Variants in ZFHX3 observed in about 807,000 individuals in gnomAD.
ZFHX3 encodes zinc finger homeobox 3.
Under a neutral mutation model 279.1 loss-of-function variants are expected in ZFHX3, and 42 were observed. The ratio of observed to expected loss-of-function variants is 0.15; its 90% confidence interval spans 0.12 to 0.19. ZFHX3 has a LOEUF of 0.19. ZFHX3 is among the 10% of genes least tolerant of loss of function. The probability of loss-of-function intolerance (pLI) is 1.00; values close to 1 mark genes in which losing one functional copy is unlikely to be tolerated. For missense variants in ZFHX3, 4,981 were observed against 4,754.0 expected, an observed-to-expected ratio of 1.05 and a Z score of -1.40; for synonymous variants, 2,293 against 1,957.8, an observed-to-expected ratio of 1.17 and a Z score of -4.52.
At chr16:73,598,173 T>C (rs896690901) in intron 2 of ZFHX3, among the ~76,000 whole-genome samples, 6 of 152,182 alleles carry the variant, frequency 3.9e-5, no homozygotes, top group African/African-American at 1.4e-4. Context: ...GCAGGTTCTA[T>C]GAGACATATA....
At chr16:73,679,535 T>TAAAAA (rs1555531969) in intron 2 of ZFHX3, 1 of 152,082 alleles carries the variant, frequency 6.6e-6, no homozygotes, top group East Asian at 1.9e-4. Flanking sequence ...TTCTCTTATG[T>TAAAAA]AAAACAAAAA....
chr16:73,165,947 G>A (rs1396613191), intron 5 of ZFHX3, among the ~76,000 whole-genome samples: 1 of 152,174 alleles, frequency 6.6e-6, no homozygotes, highest in Admixed American at 6.5e-5. Context: ...AATACATTAC[G>A]ACTGTGGGCC....
At chr16:73,629,087 T>A (rs563416627) in intron 2 of ZFHX3, among the ~76,000 whole-genome samples, 1 of 152,286 alleles carries the variant, frequency 6.6e-6, no homozygotes, top group African/African-American at 2.4e-5. Flanking sequence ...TCCCAAAGGA[T>A]AGAGAGCAGT....
chr16:73,354,695 C>CGAT (rs201581077), intron 3 of ZFHX3, among the ~76,000 whole-genome samples: 3 of 99,454 alleles, frequency 3.0e-5, no homozygotes, highest in East Asian at 2.3e-4. Flanking sequence ...CCAGAGACAG[C>CGAT]GACCTCATCC....
intron 1 of ZFHX3, among the ~76,000 whole-genome samples, chr16:73,759,978 A>T (rs967782062): frequency 6.6e-6 from 1 of 150,898 alleles, no homozygotes; most frequent in South Asian, 2.1e-4. Flanking sequence ...GACACTAAAA[A>T]CTCTTCAAAA....
At chr16:73,682,603 T>C (rs1217885006) in intron 1 of ZFHX3, among the ~76,000 whole-genome samples, 2 of 151,732 alleles carry the variant, frequency 1.3e-5, no homozygotes, top group East Asian at 1.9e-4. Flanking sequence ...CTGGCCAACA[T>C]GGTGAAACCC....
At chr16:73,784,475 G>A (rs527614637) in intron 1 of ZFHX3, among the ~76,000 whole-genome samples, 21 of 152,060 alleles carry the variant, frequency 1.4e-4, no homozygotes, top group African/African-American at 2.2e-4. Context: ...TTGGCTGGGC[G>A]CAGTGGCTCA....
At chr16:73,686,039 C>T (rs13332224) in intron 1 of ZFHX3, among the ~76,000 whole-genome samples, 1 of 152,188 alleles carries the variant, frequency 6.6e-6, no homozygotes, top group African/African-American at 2.4e-5. Context: ...TCCGAATCTT[C>T]AACATGCTTA....
intron 2 of ZFHX3, among the ~76,000 whole-genome samples, chr16:73,464,266 C>T (rs1241782321): frequency 6.6e-6 from 1 of 151,778 alleles, no homozygotes; most frequent in African/African-American, 2.4e-5. Context: ...CGAAATGGAC[C>T]AGATTATACA....
chr16:73,792,897 G>C (rs189966536), intron 1 of ZFHX3, among the ~76,000 whole-genome samples: 4 of 135,754 alleles, frequency 2.9e-5, no homozygotes, highest in East Asian at 4.6e-4. Flanking sequence ...AGCCAAAACA[G>C]ATGTAGCAAC....
At chr16:72,942,874 A>G (rs1337132180) in intron 3 of ZFHX3, among the ~76,000 whole-genome samples, 2 of 152,210 alleles carry the variant, frequency 1.3e-5, no homozygotes, top group African/African-American at 4.8e-5. Flanking sequence ...AACTAATCTA[A>G]GAAATTTTCT....
intron 1 of ZFHX3, among the ~76,000 whole-genome samples, chr16:73,780,527 C>T (rs567384994): frequency 1.2e-3 from 182 of 152,084 alleles, no homozygotes; most frequent in Middle Eastern, 3.4e-3. Context: ...ACTGCAACCT[C>T]TGACGCCTGG....
At chr16:73,451,207 C>A (rs1278344295) in intron 3 of ZFHX3, among the ~76,000 whole-genome samples, 2 of 152,126 alleles carry the variant, frequency 1.3e-5, no homozygotes, top group Admixed American at 6.6e-5. Context: ...TGGGGTGTTC[C>A]CAGAATGTGA....
At position 73,889,598 on chromosome 16, in the gene ZFHX3, CG is replaced by C. The variant is rs569480189; in HGVS notation, c.-1608+2052del. 7.2e-4 allele frequency among the ~76,000 whole-genome samples: 109 copies of C among 152,224 alleles called. 1 individual carries two copies. Among genetic ancestry groups the C allele is most frequent in the African/African-American group, 2.6e-3 (109 of 41,526 alleles). ...TGATCAAAGAGGGGCAATAATGAAC[CG>C]CATTGTTTTAAGTATCATCCAAAGG... On this transcript the variant is annotated intron_variant, in intron 1 of 17. Coordinates refer to the ZFHX3 transcript ENST00000641206.
In ZFHX3 at chr16:73,415,787, A is replaced by C. The variant is rs185450969; in HGVS notation, c.-1291+40216T>G. Reference sequence around the variant, plus strand: ...CAGCTGCCTGTCATAGGATCACAGCATTTTAGAGCTGGAAGGGGCTTAGAG... The same window carrying C: ...CAGCTGCCTGTCATAGGATCACAGCCTTTTAGAGCTGGAAGGGGCTTAGAG... On this transcript the variant is annotated intron_variant, in intron 3 of 17. Coordinates refer to the ZFHX3 transcript ENST00000641206. Among the ~76,000 whole-genome samples, 303 of 152,298 alleles carry C rather than the reference A, an allele frequency of 2.0e-3. 1 individual carries two copies. Among genetic ancestry groups the C allele is most frequent in the Non-Finnish European group, 3.4e-3 (229 of 68,026 alleles).
Position 73,038,103 on chromosome 16 carries a change from T to C in ZFHX3, c.-50+9649A>G, listed in dbSNP as rs191868299. Among the ~76,000 whole-genome samples, 835 of 152,310 alleles carry C rather than the reference T, an allele frequency of 5.5e-3. 6 individuals are homozygous for C. Among genetic ancestry groups the C allele is most frequent in the African/African-American group, 0.019 (810 of 41,554 alleles). On this transcript the variant is annotated intron_variant, in intron 1 of 9. Coordinates refer to ENST00000268489, the MANE Select transcript of ZFHX3 (RefSeq NM_006885.4). ...CATCCCAGAGGGTCCTTCCCCTCTT[T>C]CCAGTCACAGCTGTGGACTTTCATC...
At chr16:72,984,944 T>C (rs1333103300) in intron 1 of ZFHX3, among the ~76,000 whole-genome samples, 1 of 152,126 alleles carries the variant, frequency 6.6e-6, no homozygotes, top group Non-Finnish European at 1.5e-5. Flanking sequence ...TATACACATA[T>C]ACACATACAT....
intron 1 of ZFHX3, among the ~76,000 whole-genome samples, chr16:73,784,066 G>C (rs1165029694): frequency 6.6e-6 from 1 of 152,060 alleles, no homozygotes; most frequent in Non-Finnish European, 1.5e-5. Context: ...CTGAGAAAAT[G>C]GTGAGGGCAG....
intron 2 of ZFHX3, among the ~76,000 whole-genome samples, chr16:73,458,751 C>T (rs188429787): frequency 4.6e-5 from 7 of 152,238 alleles, no homozygotes; most frequent in East Asian, 1.9e-4. Context: ...GATAGTTTTC[C>T]TTTTTAGTAA....
Sources: gnomAD v4.1 joint callset for allele counts (sites outside exome capture counted in the v4.1 genomes callset) on GRCh38, gnomAD v4.1.1 for gene constraint, MANE v1.5 for transcripts, NCBI Gene and HGNC (gene_info 2026-07-23, HGNC 2026-07-21) for gene names.